MUC4: variants seen among roughly 807,000 people sequenced by gnomAD.
MUC4 encodes the protein mucin-4.
Under a neutral mutation model 257.9 loss-of-function variants are expected in MUC4, and 202 were observed. That is an observed-to-expected ratio of 0.78 (90% CI 0.70 to 0.88). The LOEUF (loss-of-function observed/expected upper bound fraction) is 0.88, where lower values mean the gene tolerates loss of function less well. Among genes scored for constraint, MUC4 ranks in the 40% least tolerant of loss-of-function variants. The pLI is 0.00. For synonymous variants in MUC4, 2,351 were observed against 2,757.1 expected, an observed-to-expected ratio of 0.85 and a Z score of 4.62; for missense variants, 5,976 against 6,513.7, an observed-to-expected ratio of 0.92 and a Z score of 2.84.
intron 4 of MUC4, among the ~76,000 whole-genome samples, chr3:195,772,720 G>C (rs1221762735): frequency 7.3e-6 from 1 of 136,378 alleles, no homozygotes; most frequent in Non-Finnish European, 1.5e-5. Flanking sequence ...CATCGCTCAG[G>C]GGTGTAGACA....
At chr3:195,809,111 C>G (rs941873301) in intron 1 of MUC4, among the ~76,000 whole-genome samples, 84 of 152,296 alleles carry the variant, frequency 5.5e-4, no homozygotes, top group African/African-American at 2.0e-3. Flanking sequence ...CTGCCTGGGG[C>G]GACCAGTAGA....
rs889681317 is a variant in MUC4 at position 195,765,551 on chromosome 3, G to T, written c.13619-102C>A. The T allele has an allele frequency of 5.9e-6, 7 of 1,186,828 alleles. No homozygotes were observed. In the East Asian group the frequency reaches 1.3e-4, roughly 21 times the overall value. 73.5% of individuals were successfully genotyped at this position (1,186,828 alleles called of 1,614,324 possible). ...AAAACTCACAAATGCACCCCCTCCTGCCACTTCTCACCTCTTTGGACCCAA... is the reference window on the plus strand; with the variant it reads ...AAAACTCACAAATGCACCCCCTCCTTCCACTTCTCACCTCTTTGGACCCAA... On this transcript the variant is annotated intron_variant, in intron 8 of 24. Transcript: ENST00000463781.
intron 16 of MUC4, among the ~76,000 whole-genome samples, chr3:195,759,931 A>ACACGCACGCACGCACACACACACACG (rs1553855222): frequency 1.3e-5 from 2 of 150,734 alleles, no homozygotes; most frequent in Non-Finnish European, 3.0e-5. Flanking sequence ...ACACACACAC[A>ACACGCACGCACGCACACACACACACG]CACGCACAAA....
rs1578035993 is a variant in MUC4, at chr3:195,765,353, G to C, written c.13715C>G (p.Pro4572Arg). Residue 4572 changes from proline to arginine, a missense_variant, in exon 9 of 25, where the codon CCC becomes CGC. Physicochemically the swap from Pro to Arg is moderately radical, Grantham distance 103 (BLOSUM62 -2). This residue lies in a region of MUC4 where 996 missense variants were observed against 1,137.3 expected (regional missense o/e 0.88). Coordinates refer to ENST00000463781, the MANE Select transcript of MUC4 (RefSeq NM_018406.7). Reference protein sequence around the residue: ...LQWLKSQPRWPSWGWNQVSCP... With the variant: ...LQWLKSQPRWRSWGWNQVSCP... Reference sequence around the variant, plus strand: ...GGAGACCTGGTTCCAGCCCCAGCTGGGCCACCGAGGCTGGCTCTTCAGCCA... The same window carrying C: ...GGAGACCTGGTTCCAGCCCCAGCTGCGCCACCGAGGCTGGCTCTTCAGCCA... The C allele has an allele frequency of 1.9e-6, 3 of 1,613,728 alleles. No homozygotes were observed. The highest frequency in any genetic ancestry group is 2.5e-6 in the Non-Finnish European group (3 of 1,180,024).
intron 12 of MUC4, 21 bp from the exon 13 acceptor site, chr3:195,762,966 G>C (rs1436060471): frequency 1.3e-6 from 2 of 1,521,840 alleles, no homozygotes; most frequent in Non-Finnish European, 1.8e-6. Flanking sequence ...ATGGGAGGGG[G>C]CCTGAGCCCG....
rs879030787 is a variant in MUC4 at position 195,784,339 on chromosome 3, G to A, written c.7241C>T (p.Ala2414Val). 6.5e-7 allele frequency: 1 copy of A among 1,534,926 alleles called. No homozygotes were observed. Among genetic ancestry groups the A allele is most frequent in the Non-Finnish European group, 8.8e-7 (1 of 1,141,238 alleles). ...TDTSSASTGH[A>V]THLPVTGLSS... ...AAGGCCGGTGACAGGAAGATGGGTG[G>A]CGTGACCTGTGGATGCTGAGGAAGT... Residue 2414 changes from alanine (A) to valine (V), a missense_variant, in exon 2 of 25, where the codon GCC (alanine) becomes GTC (valine). Ala to Val is a moderately conservative substitution (Grantham distance 64). Coordinates refer to ENST00000463781, the MANE Select transcript of MUC4 (RefSeq NM_018406.7).
Position 195,761,083 on chromosome 3 carries a change from C to A in MUC4, c.14649G>T (p.Arg4883Ser). Reference protein sequence around the residue: ...QINGTGLLGKRNDQLPSNFTP... With the variant: ...QINGTGLLGKSNDQLPSNFTP... ...TGAAGTTGGAAGGCAGCTGGTCATT[C>A]CTCTTGCCAAGGAGGCCTGTCCCGT... The change falls in exon 16 of 25, where the codon AGG becomes AGT. Residue 4883 changes from arginine (R) to serine (S), a missense_variant. Coordinates refer to ENST00000463781, the MANE Select transcript of MUC4 (RefSeq NM_018406.7). 6.2e-7 allele frequency: 1 copy of A among 1,614,200 alleles called. No individual in the cohort carries two copies. The highest frequency in any genetic ancestry group is 1.1e-5 in the South Asian group (1 of 91,078).
rs768641691 is a variant in MUC4 at position 195,783,037 on chromosome 3, G to T, written c.8543C>A (p.Pro2848His). 5 of 1,093,464 alleles carry T rather than the reference G, an allele frequency of 4.6e-6. No homozygotes were observed. The highest frequency in any genetic ancestry group is 6.2e-6 in the Non-Finnish European group (5 of 806,780). The allele number at this position is 1,093,464 out of a possible 1,614,324, so 67.7% of individuals were successfully genotyped here. The change falls in exon 2 of 25, where the codon CCT becomes CAT. Residue 2848 changes from proline (P) to histidine (H), a missense_variant. By Grantham distance (77) the Pro-to-His change is moderately conservative. This residue lies in a region of MUC4 where 228 missense variants were observed against 206.3 expected (regional missense o/e 1.11). Coordinates refer to ENST00000463781, the MANE Select transcript of MUC4 (RefSeq NM_018406.7). Reference protein sequence around the residue: ...PSSASSGHTTPLPVTDASSVS... With the variant: ...PSSASSGHTTHLPVTDASSVS... ...TGAGGAAGCGTCGGTGACAGGAAGA[G>T]GGGTGGTGTGACCTGAGGATGCTGA...
chr3:195,788,045 T>C lies in MUC4; in HGVS notation c.3535A>G (p.Thr1179Ala). 1.4e-6 allele frequency: 2 copies of C among 1,469,292 alleles called. No individual in the cohort carries two copies. The highest frequency in any genetic ancestry group is 1.8e-6 in the Non-Finnish European group (2 of 1,105,438). The allele number at this position is 1,469,292 out of a possible 1,614,324, so 91.0% of individuals were successfully genotyped here. Residue 1179 changes from threonine (T) to alanine (A), a missense_variant, in exon 2 of 25, where the codon ACA becomes GCA. Coordinates refer to ENST00000463781, the MANE Select transcript of MUC4 (RefSeq NM_018406.7). ...LPVTSLSSVS[T>A]GDTTPLPVTS... ...ACAGGAAGAGGCGTGGTGTCACCTG[T>C]GGATACTGAGGAAAGGCTGGTGACA...
In MUC4 at chr3:195,778,967, G is replaced by A. The variant is rs59101491; in HGVS notation, c.12613C>T (p.His4205Tyr). 2 of 1,249,628 alleles carry A rather than the reference G, an allele frequency of 1.6e-6. No individual in the cohort carries two copies. Among genetic ancestry groups the A allele is most frequent in the Non-Finnish European group, 1.0e-6 (1 of 979,250 alleles). The allele number at this position is 1,249,628 out of a possible 1,614,324, so 77.4% of individuals were successfully genotyped here. A position where few individuals can be genotyped will look rare whatever the true frequency, so the allele number is the denominator to read the frequency against. Residue 4205 changes from histidine to tyrosine, a missense_variant, in exon 2 of 25, where the codon CAC becomes TAC. Transcript: ENST00000463781. ...TCGGTGACAGGAAGAGGGGTGGCGT[G>A]ACCTGTGGATGCTGAGGAAGTGTCG... The part of the protein sequence containing the change: ...VTDTSSASTG[H>Y]ATPLPVTDTS...
intron 15 of MUC4, among the ~76,000 whole-genome samples, 176 bp from the exon 16 acceptor site, chr3:195,761,293 G>A (rs1011001189): frequency 2.0e-5 from 3 of 152,124 alleles, no homozygotes; most frequent in East Asian, 1.9e-4. Context: ...GACACTCCAC[G>A]TCCCCCATTC....
In MUC4 at chr3:195,791,429, T is replaced by A; in HGVS notation, c.151A>T (p.Thr51Ser). 6.2e-7 allele frequency: 1 copy of A among 1,614,000 alleles called. No homozygotes were observed. Among genetic ancestry groups the A allele is most frequent in the Non-Finnish European group, 8.5e-7 (1 of 1,179,896 alleles). ...GTTGATTGTCCCTCTAGTGTCGCTG[T>A]TGTTGAGCCTGTTGAGGTGACTGGG... ...AAPVTSTGST[T>S]ATLEGQSTAA... The change falls in exon 2 of 25, where the codon ACA (threonine) becomes TCA (serine). Residue 51 changes from threonine (T) to serine (S), a missense_variant. By Grantham distance (58) the Thr-to-Ser change is moderately conservative. Transcript: ENST00000463781.
At chr3:195,774,808 G>A (rs1723965376) in intron 3 of MUC4, among the ~76,000 whole-genome samples, 1 of 151,294 alleles carries the variant, frequency 6.6e-6, no homozygotes, top group Non-Finnish European at 1.5e-5. Context: ...GCTGAGGCAG[G>A]AGAATTGCTT....
chr3:195,790,088 T>G lies in MUC4; in HGVS notation c.1492A>C (p.Thr498Pro). 1 of 1,614,064 alleles carries G rather than the reference T, an allele frequency of 6.2e-7. No homozygotes were observed. The highest frequency in any genetic ancestry group is 1.3e-5 in the African/African-American group (1 of 75,068). Residue 498 changes from threonine to proline, a missense_variant, in exon 2 of 25, where the codon ACA (threonine) becomes CCA (proline). Thr to Pro is a conservative substitution (Grantham distance 38). This residue lies in a region of MUC4 where 1,583 missense variants were observed against 1,257.4 expected (regional missense o/e 1.26). Transcript: ENST00000463781. ...GGCAGTTCTGTTTGTGACCAAGTTG[T>G]GTGGCCTTTGCTGGAGAATGAGGAA... The part of the protein sequence containing the change: ...WPSSFSSKGH[T>P]TWSQTELPST...
intron 7 of MUC4, among the ~76,000 whole-genome samples, chr3:195,767,529 C>CATCACCATCACCATTACCATT (rs1560261280): frequency 2.9e-5 from 2 of 67,868 alleles, no homozygotes; most frequent in African/African-American, 1.3e-4. Flanking sequence ...CCACCACCAT[C>CATCACCATCACCATTACCATT]GCCACCACCA....
chr3:195,753,502 G>C, intron 19 of MUC4: 2 of 508,698 alleles, frequency 3.9e-6, no homozygotes. Context: ...GCTGGCAGAG[G>C]AGGGGCCCCC....
chr3:195,807,425 G>A (rs1203454158), intron 1 of MUC4, among the ~76,000 whole-genome samples: 4 of 152,076 alleles, frequency 2.6e-5, no homozygotes, highest in African/African-American at 4.8e-5. Context: ...CTGAGACCAC[G>A]CCACTGCACT....
chr3:195,748,855 G>C, intron 24 of MUC4, 47 bp downstream of exon 24: 1 of 1,496,210 alleles, frequency 6.7e-7, no homozygotes, highest in East Asian at 2.4e-5. Flanking sequence ...TGCCCAGCTT[G>C]GGTTCCCCAG....
At chr3:195,803,437 T>C (rs1735598903) in intron 1 of MUC4, among the ~76,000 whole-genome samples, 1 of 152,262 alleles carries the variant, frequency 6.6e-6, no homozygotes, top group African/African-American at 2.4e-5. Context: ...TTTAATATAA[T>C]ATAAACTCTC....
Sources: allele counts gnomAD v4.1 joint callset (sites outside exome capture counted in the v4.1 genomes callset), GRCh38; gene constraint gnomAD v4.1.1; regional missense constraint gnomAD v4.1.1; transcripts MANE v1.5; gene names NCBI Gene and HGNC (gene_info 2026-07-23, HGNC 2026-07-21).